Variants in C1orf105 observed in about 807,000 individuals in gnomAD.
The protein encoded by C1orf105 is uncharacterized protein C1orf105.
In C1orf105, 17 loss-of-function variants were observed where a neutral mutation model predicts 20.8. That is an observed-to-expected ratio of 0.82 (90% CI 0.56 to 1.23). The LOEUF is 1.23. Among genes scored for constraint, C1orf105 ranks in the 50% most tolerant of loss-of-function variants. The pLI is 0.00. For missense variants in C1orf105, 219 were observed against 213.5 expected (o/e 1.03, Z -0.16); for synonymous variants, 72 against 72.1 (o/e 1.00, Z 0.01).
chr1:172,452,820 ATGAGGGCCCCATTAACATTCCAG>A (rs1648800865), intron 3 of C1orf105: 1 of 1,396,676 alleles, frequency 7.2e-7, no homozygotes, highest in Non-Finnish European at 9.3e-7. Flanking sequence ...TGCTTGGGAA[ATGAGGGCCCCATTAACATTCCAG>A]TGCCTCTGGC....
intron 3 of C1orf105, among the ~76,000 whole-genome samples, chr1:172,449,156 ACCCAGAGCAAGAG>A: frequency 6.6e-6 from 1 of 152,326 alleles, no homozygotes; most frequent in East Asian, 1.9e-4. Flanking sequence ...ACGGTGCCCC[ACCCAGAGCAAGAG>A]CTCAGTGAAT....
chr1:172,460,258 C>CA (rs1558144240), intron 4 of C1orf105, among the ~76,000 whole-genome samples: 3 of 151,988 alleles, frequency 2.0e-5, no homozygotes, highest in African/African-American at 2.4e-5. Flanking sequence ...AGATGAATCT[C>CA]AAAAAAATGT....
At position 172,453,088 on chromosome 1, in the gene C1orf105, C is replaced by G. The variant is rs1422429022; in HGVS notation, c.199-3327C>G. On this transcript the variant is annotated intron_variant, in intron 3 of 6. Transcript: ENST00000367727. ...TTGCGTCGCCTTTAAAGTAGCCTGT[C>G]ACAGCTGCCTTCCACGACTCTTCAA... is the stretch of plus-strand genomic sequence containing the variant. 3 of 1,550,770 alleles carry G rather than the reference C, an allele frequency of 1.9e-6. No individual in the cohort carries two copies. The South Asian group carries it at 3.6e-5, about 18-fold the overall frequency.
chr1:172,450,226 C>T (rs74126219), intron 3 of C1orf105, among the ~76,000 whole-genome samples: 9,136 of 152,292 alleles, frequency 0.06, 292 homozygotes, highest in Middle Eastern at 0.13. Context: ...GGCCCCTCAG[C>T]CTCACCCTCA....
intron 3 of C1orf105, chr1:172,450,962 A>T (rs1648563546): frequency 6.6e-6 from 1 of 152,262 alleles, no homozygotes; most frequent in South Asian, 2.1e-4. Context: ...TCGTTTAAAC[A>T]TCTACTGTGG....
At chr1:172,451,376 T>C (rs981765569) in intron 3 of C1orf105, among the ~76,000 whole-genome samples, 1 of 152,228 alleles carries the variant, frequency 6.6e-6, no homozygotes. Context: ...AAGCCCTGGC[T>C]AAAAAGACTG....
intron 1 of C1orf105, chr1:172,444,181 T>A: frequency 1.0e-6 from 1 of 986,528 alleles, no homozygotes; most frequent in Non-Finnish European, 1.2e-6. Flanking sequence ...GGACCTCCGG[T>A]CTCCTCTCCT....
Position 172,448,546 on chromosome 1 carries a change from T to C in C1orf105, c.198+15T>C. The C allele has an allele frequency of 6.5e-7, 1 of 1,529,086 alleles. No individual in the cohort carries two copies. The highest frequency in any genetic ancestry group is 9.1e-7 in the Non-Finnish European group (1 of 1,103,402). 94.7% of individuals were successfully genotyped at this position (1,529,086 alleles called of 1,614,324 possible). A position where few individuals can be genotyped will look rare whatever the true frequency, so the allele number is the denominator to read the frequency against. On this transcript the variant is annotated intron_variant, in intron 3 of 6. Coordinates refer to ENST00000367727, the MANE Select transcript of C1orf105 (RefSeq NM_139240.4). The stretch of plus-strand genomic sequence containing the variant: ...TTTTATCTAAGGTACTAAAAAATTT[T>C]TGTTGAAATGAAACCAACAGCAGTT...
At position 172,462,181 on chromosome 1, in the gene C1orf105, C is replaced by A; in HGVS notation, c.277C>A (p.Gln93Lys). Reference protein sequence around the residue: ...CSTCQEMKMVQPRTMKIPDDP... With the variant: ...CSTCQEMKMVKPRTMKIPDDP... ...TAAATGAGACTTTCTTCTTGAGGTA[C>A]AACCAAGAACAATGAAAATCCCAGA... is the stretch of plus-strand genomic sequence containing the variant. The change falls in exon 5 of 7, where the codon CAA (glutamine) becomes AAA (lysine). Residue 93 changes from glutamine to lysine, a missense_variant. Gln to Lys is a moderately conservative substitution (Grantham distance 53). Transcript: ENST00000367727. The A allele has an allele frequency of 6.2e-7, 1 of 1,607,378 alleles. No homozygotes were observed. Among genetic ancestry groups the A allele is most frequent in the Non-Finnish European group, 8.5e-7 (1 of 1,176,426 alleles).
intron 4 of C1orf105, among the ~76,000 whole-genome samples, chr1:172,457,974 G>C (rs969150317): frequency 6.6e-6 from 1 of 152,194 alleles, no homozygotes; most frequent in African/African-American, 2.4e-5. Context: ...AGGGACTGCA[G>C]GTCTGCTGTA....
chr1:172,448,620 C>G, intron 3 of C1orf105, 89 bp downstream of exon 3: 5 of 755,128 alleles, frequency 6.6e-6, no homozygotes, highest in Non-Finnish European at 1.2e-5. Context: ...TTAGCACAGC[C>G]CTGTGCTTGG....
chr1:172,450,830 C>T (rs1648548579), intron 3 of C1orf105, among the ~76,000 whole-genome samples: 1 of 152,116 alleles, frequency 6.6e-6, no homozygotes. Context: ...AAGAGGGAGA[C>T]AGAAAGCAAG....
At chr1:172,438,578 G>T (rs1023288927) in intron 1 of C1orf105, among the ~76,000 whole-genome samples, 1 of 152,200 alleles carries the variant, frequency 6.6e-6, no homozygotes, top group African/African-American at 2.4e-5. Flanking sequence ...TTCCCAAAAT[G>T]AAATCTACTT....
At chr1:172,428,920 T>C in intron 1 of C1orf105, 1 of 619,206 alleles carries the variant, frequency 1.6e-6, no homozygotes, top group Non-Finnish European at 2.9e-6. Flanking sequence ...AGAGGGAAGC[T>C]TATGTAGATA....
intron 6 of C1orf105, among the ~76,000 whole-genome samples, chr1:172,467,153 G>A (rs1284237058): frequency 6.6e-6 from 1 of 152,096 alleles, no homozygotes; most frequent in Non-Finnish European, 1.5e-5. Flanking sequence ...ATCCCCACTG[G>A]ATTATAGAGC....
chr1:172,465,295 T>C lies in C1orf105; in HGVS notation c.342-4T>C. Reference sequence around the variant, plus strand: ...TAATGTGTTTTCTTGTTTCTTCCAATCAGAATGAGTCTTCATCAACCCAAA... The same window carrying C: ...TAATGTGTTTTCTTGTTTCTTCCAACCAGAATGAGTCTTCATCAACCCAAA... On this transcript the variant is annotated splice_region_variant and splice_polypyrimidine_tract_variant and intron_variant, in intron 5 of 6. Transcript: ENST00000367727. The C allele has an allele frequency of 6.2e-7, 1 of 1,607,044 alleles. No homozygotes were observed. Among genetic ancestry groups the C allele is most frequent in the Non-Finnish European group, 8.5e-7 (1 of 1,174,100 alleles).
chr1:172,423,368 T>A (rs2071639053), intron 1 of C1orf105, among the ~76,000 whole-genome samples: 1 of 152,198 alleles, frequency 6.6e-6, no homozygotes, highest in Non-Finnish European at 1.5e-5. Flanking sequence ...ATTCTGGATA[T>A]TATCTAGGAC....
At chr1:172,431,446 G>C (rs1356874179) in intron 1 of C1orf105, among the ~76,000 whole-genome samples, 2 of 152,340 alleles carry the variant, frequency 1.3e-5, no homozygotes, top group South Asian at 2.1e-4. Flanking sequence ...CAAAGGCTGA[G>C]AGAGGAGAGG....
intron 1 of C1orf105, chr1:172,444,275 T>C (rs1647714082): frequency 1.0e-5 from 10 of 985,464 alleles, no homozygotes; most frequent in Non-Finnish European, 1.2e-5. Context: ...ATGTGCCATC[T>C]GAAGGACTGG....
Sources: gnomAD v4.1 joint callset for allele counts (sites outside exome capture counted in the v4.1 genomes callset) on GRCh38, gnomAD v4.1.1 for gene constraint, MANE v1.5 for transcripts, NCBI Gene and HGNC (gene_info 2026-07-23, HGNC 2026-07-21) for gene names.